The following C3orf70 variants were observed in gnomAD, a reference collection of about 807,000 sequenced individuals.
C3orf70 encodes chromosome 3 open reading frame 70, also known as UPF0524 protein C3orf70.
Under a neutral mutation model 20.7 loss-of-function variants are expected in C3orf70, and 15 were observed. That is an observed-to-expected ratio of 0.72 (90% CI 0.48 to 1.11). The LOEUF is 1.11. Among genes scored for constraint, C3orf70 ranks in the 50% most tolerant of loss-of-function variants. The pLI is 0.00. For synonymous variants in C3orf70, 161 were observed against 125.7 expected (o/e 1.28, Z -1.88); for missense variants, 332 against 317.6 (o/e 1.05, Z -0.34).
chr3:185,097,140 C>CA (rs538036647), intron 1 of C3orf70, among the ~76,000 whole-genome samples: 90 of 152,074 alleles, frequency 5.9e-4, no homozygotes, highest in African/African-American at 2.1e-3. Context: ...ATTCAATGAC[C>CA]AAGGTATGGG....
In C3orf70 at chr3:185,144,232, G is replaced by C. The variant is rs541103702; in HGVS notation, c.196+8396C>G. Reference sequence around the variant, plus strand: ...TGACAATCACAACACCAAGAAGCTGGTACTATTATCCCCATATTAACAACA... The same window carrying C: ...TGACAATCACAACACCAAGAAGCTGCTACTATTATCCCCATATTAACAACA... On this transcript the variant is annotated intron_variant, in intron 1 of 1. Transcript: ENST00000335012. Among the ~76,000 whole-genome samples, 4 of 152,196 alleles carry C rather than the reference G, an allele frequency of 2.6e-5. No individual in the cohort carries two copies. The East Asian group carries it at 7.7e-4, about 29-fold the overall frequency.
chr3:185,117,746 C>T (rs999604394), intron 1 of C3orf70, among the ~76,000 whole-genome samples: 1 of 152,194 alleles, frequency 6.6e-6, no homozygotes, highest in African/African-American at 2.4e-5. Flanking sequence ...TTTCCATGAT[C>T]TTGTTCCTGC....
At chr3:185,113,292 G>A (rs115692308) in intron 1 of C3orf70, among the ~76,000 whole-genome samples, 69 of 18,680 alleles carry the variant, frequency 3.7e-3, no homozygotes, top group East Asian at 0.018. Context: ...ATACAAAAAA[G>A]AAAAAAAGAA....
At chr3:185,133,897 T>C (rs1230431988) in intron 1 of C3orf70, among the ~76,000 whole-genome samples, 3 of 152,190 alleles carry the variant, frequency 2.0e-5, no homozygotes, top group Non-Finnish European at 4.4e-5. Flanking sequence ...AAGACCATTC[T>C]GGGCAACATG....
At chr3:185,122,393 C>A (rs1290633912) in intron 1 of C3orf70, among the ~76,000 whole-genome samples, 1 of 152,152 alleles carries the variant, frequency 6.6e-6, no homozygotes, top group South Asian at 2.1e-4. Context: ...CAAAAGACAA[C>A]CCCAAATGCC....
At chr3:185,098,064 G>T (rs955066971) in intron 1 of C3orf70, among the ~76,000 whole-genome samples, 2 of 152,132 alleles carry the variant, frequency 1.3e-5, no homozygotes, top group African/African-American at 4.8e-5. Flanking sequence ...GGTACCACCA[G>T]CACAAACATA....
intron 1 of C3orf70, among the ~76,000 whole-genome samples, chr3:185,105,587 G>A (rs992670424): frequency 6.6e-6 from 1 of 152,162 alleles, no homozygotes; most frequent in African/African-American, 2.4e-5. Flanking sequence ...ATGTCTGTTT[G>A]GGGCTCTCAG....
chr3:185,115,606 G>C (rs1288276574), intron 1 of C3orf70, among the ~76,000 whole-genome samples: 2 of 152,130 alleles, frequency 1.3e-5, no homozygotes, highest in African/African-American at 4.8e-5. Context: ...CCCTCCTTTT[G>C]CCTCTTGGGA....
rs540259207 is a variant in C3orf70 at position 185,080,956 on chromosome 3, T to G, written c.*2051A>C. ...AACTCATACTGTTTGCAAAGGAAAA[T>G]GTATACTCTGCCTTCTAAACCATAT... On this transcript the variant is annotated 3_prime_UTR_variant, in exon 2 of 2. Transcript: ENST00000335012. The G allele has an allele frequency of 6.6e-6, 1 of 152,282 alleles. No individual in the cohort carries two copies. The highest frequency in any genetic ancestry group is 2.1e-4 in the South Asian group (1 of 4,824). The allele number at this position is 152,282 out of a possible 1,614,324, so 9.4% of individuals were successfully genotyped here.
intron 1 of C3orf70, among the ~76,000 whole-genome samples, chr3:185,096,251 G>T (rs1327786799): frequency 1.3e-5 from 2 of 152,120 alleles, no homozygotes; most frequent in African/African-American, 2.4e-5. Flanking sequence ...GGGAAGTAAT[G>T]AGTTTAATAT....
At chr3:185,122,982 C>A (rs1223285424) in intron 1 of C3orf70, among the ~76,000 whole-genome samples, 1 of 150,248 alleles carries the variant, frequency 6.7e-6, no homozygotes, top group Non-Finnish European at 1.5e-5. Flanking sequence ...ATGGTGAAAT[C>A]TCATCTCTAC....
chr3:185,136,681 G>A (rs1310494511), intron 1 of C3orf70, among the ~76,000 whole-genome samples: 3 of 152,068 alleles, frequency 2.0e-5, no homozygotes, highest in African/African-American at 7.2e-5. Flanking sequence ...CCGAGATCGC[G>A]CCACAGCACT....
At position 185,152,792 on chromosome 3, in the gene C3orf70, C is replaced by T. The variant is rs755845857; in HGVS notation, c.32G>A (p.Arg11Gln). MSAAASPASE[R>Q]GWKSEKLDEA... ...ATCTAGTTTCTCGCTCTTCCAACCCCGCTCCGACGCCGGCGAGGCCGCCGC... is the reference window on the plus strand; with the variant it reads ...ATCTAGTTTCTCGCTCTTCCAACCCTGCTCCGACGCCGGCGAGGCCGCCGC... The change falls in exon 1 of 2, where the codon CGG (arginine) becomes CAG (glutamine). Residue 11 changes from arginine (R) to glutamine (Q), a missense_variant. Arg to Gln is a conservative substitution (Grantham distance 43). Coordinates refer to ENST00000335012, the MANE Select transcript of C3orf70 (RefSeq NM_001025266.3). 1 of 1,568,258 alleles carries T rather than the reference C, an allele frequency of 6.4e-7. No homozygotes were observed. The highest frequency in any genetic ancestry group is 1.8e-5 in the Admixed American group (1 of 55,674).
chr3:185,106,929 G>C (rs1715957195), intron 1 of C3orf70, among the ~76,000 whole-genome samples: 1 of 152,230 alleles, frequency 6.6e-6, no homozygotes, highest in African/African-American at 2.4e-5. Context: ...TCCCTGGAAA[G>C]CAGAGCCAGG....
At chr3:185,113,928 G>C (rs1716125766) in intron 1 of C3orf70, among the ~76,000 whole-genome samples, 1 of 152,166 alleles carries the variant, frequency 6.6e-6, no homozygotes, top group African/African-American at 2.4e-5. Flanking sequence ...GGCCGGGCGT[G>C]GTGGCTCACG....
chr3:185,111,342 T>G (rs765642152), intron 1 of C3orf70, among the ~76,000 whole-genome samples: 3 of 152,178 alleles, frequency 2.0e-5, no homozygotes, highest in Non-Finnish European at 2.9e-5. Flanking sequence ...CAGTCATATA[T>G]ATGGCAAAAG....
intron 1 of C3orf70, among the ~76,000 whole-genome samples, chr3:185,135,573 T>A (rs1031967901): frequency 6.6e-6 from 1 of 152,242 alleles, no homozygotes; most frequent in Non-Finnish European, 1.5e-5. Context: ...ATTTCTGATG[T>A]TCGATAGCAG....
At chr3:185,096,171 T>C (rs919660806) in intron 1 of C3orf70, among the ~76,000 whole-genome samples, 2 of 152,226 alleles carry the variant, frequency 1.3e-5, no homozygotes, top group African/African-American at 4.8e-5. Context: ...TTACCTCTCA[T>C]TTCTCCTGAA....
In C3orf70 at chr3:185,079,306, T is replaced by TAAAAAAAAAAAAAAAAA. The variant is rs1321535800; in HGVS notation, c.*3700_*3701insTTTTTTTTTTTTTTTTT. The TAAAAAAAAAAAAAAAAA allele has an allele frequency of 2.4e-4, 30 of 122,822 alleles. No individual in the cohort carries two copies. The highest frequency in any genetic ancestry group is 3.8e-4 in the African/African-American group (11 of 28,572). The allele number at this position is 122,822 out of a possible 1,614,324, so 7.6% of individuals were successfully genotyped here. On this transcript the variant is annotated 3_prime_UTR_variant, in exon 2 of 2. Coordinates refer to ENST00000335012, the MANE Select transcript of C3orf70 (RefSeq NM_001025266.3). ...AAAAAAAAAAAAAAAAAAAAAAAAG[T>TAAAAAAAAAAAAAAAAA]AAAGCCACCACTCCCAAGATAGAAT...
Sources: gnomAD v4.1 joint callset for allele counts (sites outside exome capture counted in the v4.1 genomes callset) on GRCh38, gnomAD v4.1.1 for gene constraint, MANE v1.5 for transcripts, NCBI Gene and HGNC (gene_info 2026-07-23, HGNC 2026-07-21) for gene names.